Variants in NBPF14 observed in about 807,000 individuals in gnomAD.
NBPF14 encodes the protein NBPF member 14.
Under a neutral mutation model 91.2 loss-of-function variants are expected in NBPF14, and 104 were observed. That is an observed-to-expected ratio of 1.14 (90% CI 0.97 to 1.34). NBPF14 has a LOEUF of 1.34. NBPF14 is among the 40% of genes most tolerant of loss of function. The probability of loss-of-function intolerance (pLI) is 0.00; values close to 1 mark genes in which losing one functional copy is unlikely to be tolerated. For missense variants in NBPF14, 908 were observed against 783.0 expected (o/e 1.16, Z -1.91); for synonymous variants, 294 against 303.8 (o/e 0.97, Z 0.34).
In NBPF14 at chr1:148,556,831, GC is replaced by G; in HGVS notation, c.5037del (p.Glu1679AspfsTer116). ...TCCAGTGAGTCCTGCAAGACTTCAG[GC>G]TCTACTACCTCCAGCAGCTCCCTGC... On this transcript the variant is annotated frameshift_variant, in exon 41 of 71. Transcript: ENST00000619423. LOFTEE classifies it high-confidence loss of function. 9.2e-6 allele frequency: 2 copies of G among 218,520 alleles called. No individual in the cohort carries two copies. Among genetic ancestry groups the G allele is most frequent in the Non-Finnish European group, 1.5e-5 (2 of 136,740 alleles). The allele number at this position is 218,520 out of a possible 1,614,324, so 13.5% of individuals were successfully genotyped here.
intron 34 of NBPF14, among the ~76,000 whole-genome samples, chr1:148,562,032 C>G (rs1177068664): frequency 3.8e-5 from 3 of 78,210 alleles, no homozygotes; most frequent in South Asian, 6.7e-4. Context: ...TCTGGTCCAC[C>G]TACAGTAGGT....
chr1:148,593,998 G>T (rs1662913564), intron 2 of NBPF14, among the ~76,000 whole-genome samples: 1 of 148,964 alleles, frequency 6.7e-6, no homozygotes, highest in African/African-American at 2.4e-5. Flanking sequence ...TCTGAATGTG[G>T]GGCCACTTTC....
intron 43 of NBPF14, among the ~76,000 whole-genome samples, chr1:148,554,795 AT>A (rs1489274197): frequency 2.0e-5 from 3 of 147,052 alleles, no homozygotes; most frequent in African/African-American, 8.0e-5. Context: ...TTGAGACAAA[AT>A]CAGAGTTGTG....
At chr1:148,533,209 G>A (rs1312940398) in exon 71 of NBPF14, 2 of 686,206 alleles carry the variant, frequency 2.9e-6, no homozygotes, top group Non-Finnish European at 4.4e-6. Context: ...AGTCCTGTAA[G>A]ACTTCACGCT....
At chr1:148,534,578 G>T in intron 69 of NBPF14, 106 bp downstream of exon 69, 1 of 813,498 alleles carries the variant, frequency 1.2e-6, no homozygotes, top group South Asian at 1.3e-5. Flanking sequence ...GGTCCTGCCT[G>T]CGGCAATGAC....
exon 15 of NBPF14, chr1:148,577,189 T>C: frequency 3.2e-6 from 2 of 632,422 alleles, no homozygotes; most frequent in Non-Finnish European, 2.8e-6. Flanking sequence ...TCACCATCCA[T>C]GTCAACAGCC....
At chr1:148,585,384 G>A (rs1661343452) in intron 9 of NBPF14, among the ~76,000 whole-genome samples, 171 bp from the exon 10 acceptor site, 1 of 151,824 alleles carries the variant, frequency 6.6e-6, no homozygotes, top group Admixed American at 6.6e-5. Flanking sequence ...TGATCCATCA[G>A]GCAATGCATT....
intron 68 of NBPF14, 72 bp downstream of exon 68, chr1:148,535,381 T>G: frequency 3.7e-6 from 2 of 533,684 alleles, no homozygotes; most frequent in Non-Finnish European, 6.5e-6. Context: ...TTGAACACAC[T>G]CTTGTTTTCC....
chr1:148,535,172 G>T (rs1271482910), intron 68 of NBPF14, among the ~76,000 whole-genome samples: 2 of 149,866 alleles, frequency 1.3e-5, no homozygotes, highest in Non-Finnish European at 2.9e-5. Context: ...CAGTGATCAT[G>T]AAAAGAGGGG....
intron 40 of NBPF14, among the ~76,000 whole-genome samples, chr1:148,557,103 A>C (rs1379536791): frequency 2.4e-5 from 3 of 125,390 alleles, no homozygotes; most frequent in Non-Finnish European, 4.7e-5. Flanking sequence ...GAGAGAGAGA[A>C]CGAGCTCAGT....
At chr1:148,533,133 T>C (rs147573398) in exon 71 of NBPF14, 2 of 797,550 alleles carry the variant, frequency 2.5e-6, no homozygotes, top group Admixed American at 3.6e-5. Context: ...AACACACTTC[T>C]GTAGTGCTGG....
chr1:148,595,326 T>G (rs1349674853), intron 2 of NBPF14, among the ~76,000 whole-genome samples: 1 of 148,364 alleles, frequency 6.7e-6, no homozygotes, highest in Non-Finnish European at 1.5e-5. Flanking sequence ...TGAGTTTAAC[T>G]CTAGTTCCAC....
chr1:148,566,428 T>A (rs1658306248), intron 28 of NBPF14, 113 bp from the exon 29 acceptor site: 4 of 607,862 alleles, frequency 6.6e-6, no homozygotes, highest in Non-Finnish European at 8.7e-6. Context: ...AAAGGATAGA[T>A]CCATTAATGA....
chr1:148,536,102 G>T, intron 67 of NBPF14, 122 bp downstream of exon 67: 1 of 587,954 alleles, frequency 1.7e-6, no homozygotes, highest in Non-Finnish European at 3.1e-6. Context: ...ACCTACATGT[G>T]CCTATAGGTC....
At chr1:148,534,820 T>G (rs1198552385) in exon 69 of NBPF14, 5 of 1,127,404 alleles carry the variant, frequency 4.4e-6, no homozygotes, top group Non-Finnish European at 5.3e-6. Flanking sequence ...CCTGCAAGAC[T>G]TCAGGATCTT....
At chr1:148,577,412 C>A (rs1485818289) in intron 14 of NBPF14, 57 bp from the exon 15 acceptor site, 1 of 657,848 alleles carries the variant, frequency 1.5e-6, no homozygotes, top group East Asian at 2.7e-5. Context: ...ACCACACAGC[C>A]CCAGCTAGAT....
intron 69 of NBPF14, among the ~76,000 whole-genome samples, chr1:148,534,342 A>T (rs1256040334): frequency 6.6e-6 from 1 of 151,730 alleles, no homozygotes; most frequent in Non-Finnish European, 1.5e-5. Context: ...GGTAGTGAGG[A>T]CTCCAGACAC....
In NBPF14 at chr1:148,566,222, C is replaced by A; in HGVS notation, c.3636G>T (p.Gln1212His). ...TTCCATAGGGCTGGCAGGAGTCAGG[C>A]TGTTCAAGACAACTGGAAGGAGTTG... The change falls in exon 29 of 71, where the codon CAG becomes CAT. Residue 1212 changes from glutamine (Q) to histidine (H), a missense_variant. By Grantham distance (24) the Gln-to-His change is conservative. This residue lies in a region of NBPF14 where 447 missense variants were observed against 189.1 expected (regional missense o/e 2.36). Coordinates refer to ENST00000619423, the Ensembl canonical transcript of NBPF14. 3.4e-6 allele frequency: 2 copies of A among 587,716 alleles called. 1 individual carries two copies. The highest frequency in any genetic ancestry group is 6.0e-6 in the Non-Finnish European group (2 of 334,350). 36.4% of individuals were successfully genotyped at this position (587,716 alleles called of 1,614,324 possible).
At position 148,566,071 on chromosome 1, in the gene NBPF14, C is replaced by A. The variant is rs1187035855; in HGVS notation, c.3715+72G>T. On this transcript the variant is annotated intron_variant, in intron 29 of 70. Transcript: ENST00000619423. The stretch of plus-strand genomic sequence containing the variant: ...ACATCTCTCAGCTCAGTAATGGCCA[C>A]TTGGAGCAGGAATATGATCTTTATA... 1.7e-5 allele frequency: 6 copies of A among 354,864 alleles called. No individual in the cohort carries two copies. The East Asian group carries it at 2.3e-4, about 13-fold the overall frequency. 22.0% of individuals were successfully genotyped at this position (354,864 alleles called of 1,614,324 possible).
Sources: allele counts gnomAD v4.1 joint callset (sites outside exome capture counted in the v4.1 genomes callset), GRCh38; gene constraint gnomAD v4.1.1; regional missense constraint gnomAD v4.1.1; transcripts MANE v1.5; gene names NCBI Gene and HGNC (gene_info 2026-07-23, HGNC 2026-07-21).